The following HELZ variants were observed in gnomAD, a reference collection of about 807,000 sequenced individuals.
HELZ encodes the protein ATP-dependent RNA helicase with zinc finger domain.
A neutral mutation model predicts 218.2 loss-of-function variants in HELZ; 23 were observed. The observed-to-expected ratio is 0.11, with a 90% CI of 0.08 to 0.15. The LOEUF (loss-of-function observed/expected upper bound fraction) is 0.15, where lower values mean the gene tolerates loss of function less well. Among genes scored for constraint, HELZ ranks in the 10% least tolerant of loss-of-function variants. The pLI is 1.00. For missense variants in HELZ, 1,813 were observed against 2,353.7 expected, an observed-to-expected ratio of 0.77 and a Z score of 4.75; for synonymous variants, 814 against 829.4, an observed-to-expected ratio of 0.98 and a Z score of 0.32.
intron 31 of HELZ, among the ~76,000 whole-genome samples, chr17:67,090,559 T>C (rs1372091595): frequency 6.6e-6 from 1 of 152,186 alleles, no homozygotes; most frequent in African/African-American, 2.4e-5. Flanking sequence ...AATTACAAAT[T>C]CAATTTCTTT....
At chr17:67,125,486 G>GA (rs936321785) in intron 24 of HELZ, among the ~76,000 whole-genome samples, 6 of 151,436 alleles carry the variant, frequency 4.0e-5, no homozygotes, top group Non-Finnish European at 7.4e-5. Flanking sequence ...CACACTGACA[G>GA]AAGAAAGGAG....
At position 67,109,631 on chromosome 17, in the gene HELZ, A is replaced by C; in HGVS notation, c.3974T>G (p.Val1325Gly). Reference protein sequence around the residue: ...NRSPESRPSVVYPSTKFPRKD... With the variant: ...NRSPESRPSVGYPSTKFPRKD... Reference sequence around the variant, plus strand: ...GCGAGGAAATTTGGTACTGGGATAAACAACACTAGGACGTGATTCAGGACT... The same window carrying C: ...GCGAGGAAATTTGGTACTGGGATAACCAACACTAGGACGTGATTCAGGACT... The change falls in exon 29 of 33, where the codon GTT (valine) becomes GGT (glycine). Residue 1325 changes from valine to glycine, a missense_variant. Coordinates refer to ENST00000358691, the MANE Select transcript of HELZ (RefSeq NM_014877.4). 6.2e-7 allele frequency: 1 copy of C among 1,614,152 alleles called. No homozygotes were observed.
At chr17:67,125,084 C>T (rs2037739868) in intron 24 of HELZ, among the ~76,000 whole-genome samples, 1 of 151,072 alleles carries the variant, frequency 6.6e-6, no homozygotes, top group Non-Finnish European at 1.5e-5. Context: ...GATTTACCTA[C>T]CTATCTAACT....
intron 3 of HELZ, among the ~76,000 whole-genome samples, chr17:67,221,011 C>CA (rs1212375050): frequency 6.6e-6 from 1 of 152,122 alleles, no homozygotes; most frequent in African/African-American, 2.4e-5. Flanking sequence ...GTTACACAAA[C>CA]ATACATTGAT....
At position 67,222,120 on chromosome 17, in the gene HELZ, C is replaced by A. The variant is rs111375607; in HGVS notation, c.-18-3298G>T. On this transcript the variant is annotated intron_variant, in intron 3 of 32. Transcript: ENST00000358691. ...GCCTCCCAAATGCTGGGATTACAGG[C>A]GTGAGCCACTGTACCCAGCCTACAT... Among the ~76,000 whole-genome samples the A allele has an allele frequency of 2.0e-5, 3 of 152,204 alleles. 1 individual carries two copies. Among genetic ancestry groups the A allele is most frequent in the African/African-American group, 7.2e-5 (3 of 41,534 alleles).
chr17:67,204,798 GA>G (rs2040254938), intron 5 of HELZ, among the ~76,000 whole-genome samples: 1 of 151,916 alleles, frequency 6.6e-6, no homozygotes, highest in South Asian at 2.1e-4. Context: ...GTTATCTAGT[GA>G]AACTCCAATA....
At chr17:67,185,351 CA>C (rs1241538261) in intron 12 of HELZ, among the ~76,000 whole-genome samples, 3 of 152,114 alleles carry the variant, frequency 2.0e-5, no homozygotes, top group Non-Finnish European at 4.4e-5. Flanking sequence ...AAGCAAGAAA[CA>C]AATATTACAC....
At chr17:67,154,320 T>C (rs1027500795) in intron 17 of HELZ, among the ~76,000 whole-genome samples, 1 of 152,084 alleles carries the variant, frequency 6.6e-6, no homozygotes, top group African/African-American at 2.4e-5. Context: ...TCCCAGCTAC[T>C]TGGGAGGCTG....
intron 31 of HELZ, among the ~76,000 whole-genome samples, chr17:67,088,793 T>C (rs995293447): frequency 2.0e-5 from 3 of 152,258 alleles, no homozygotes; most frequent in Admixed American, 2.0e-4. Flanking sequence ...TCATTATGAA[T>C]TTGATTTGGT....
intron 31 of HELZ, among the ~76,000 whole-genome samples, chr17:67,098,561 C>G (rs958278371): frequency 6.6e-6 from 1 of 150,580 alleles, no homozygotes; most frequent in South Asian, 2.1e-4. Context: ...GTGGTGAAAT[C>G]CCGTCTCTAC....
At chr17:67,093,321 C>G (rs976390360) in intron 31 of HELZ, among the ~76,000 whole-genome samples, 9 of 151,134 alleles carry the variant, frequency 6.0e-5, no homozygotes, top group African/African-American at 2.2e-4. Context: ...AGAAAAAGTA[C>G]AAAGGTATCA....
chr17:67,235,598 C>A (rs1007258273), intron 3 of HELZ, among the ~76,000 whole-genome samples: 3 of 151,994 alleles, frequency 2.0e-5, no homozygotes, highest in Non-Finnish European at 4.4e-5. Context: ...CATGCCATCA[C>A]AAGAACTTGA....
intron 17 of HELZ, among the ~76,000 whole-genome samples, chr17:67,152,878 T>A (rs971639243): frequency 6.6e-6 from 1 of 151,422 alleles, no homozygotes; most frequent in South Asian, 2.1e-4. Flanking sequence ...AGGAGAGAAT[T>A]CAGGAGAGCA....
intron 7 of HELZ, among the ~76,000 whole-genome samples, chr17:67,199,483 G>A (rs998986780): frequency 6.6e-6 from 1 of 152,082 alleles, no homozygotes; most frequent in Non-Finnish European, 1.5e-5. Context: ...AAAGTGCTGG[G>A]ATTATAGGCG....
chr17:67,199,508 G>A (rs964028004), intron 7 of HELZ, among the ~76,000 whole-genome samples: 12 of 151,962 alleles, frequency 7.9e-5, no homozygotes, highest in African/African-American at 7.2e-5. Context: ...GCACCGCACC[G>A]GGACTGTTTT....
At chr17:67,147,226 G>A (rs2038525462) in intron 20 of HELZ, among the ~76,000 whole-genome samples, 1 of 151,954 alleles carries the variant, frequency 6.6e-6, no homozygotes, top group South Asian at 2.1e-4. Flanking sequence ...CTAAAGTTTT[G>A]GTTTCCAGAA....
rs2039814669 is a variant in HELZ, at chr17:67,188,433, C to T, written c.1048G>A (p.Gly350Arg). 6.2e-7 allele frequency: 1 copy of T among 1,613,882 alleles called. No homozygotes were observed. The highest frequency in any genetic ancestry group is 8.5e-7 in the Non-Finnish European group (1 of 1,179,842). ...NGLDHYVYKV[G>R]IAFNTEIFGT... ...AATATTTCTGTGTTAAATGCTATCC[C>T]GACTTTATACACGTAATGATCTAAT... The change falls in exon 12 of 33, where the codon GGG becomes AGG. Residue 350 changes from glycine to arginine, a missense_variant. Transcript: ENST00000358691. This position sits in a 1 kb window ranked among gnomAD's most constrained non-coding sequence, Gnocchi z 4.1.
At chr17:67,091,926 G>A (rs1468366877) in intron 31 of HELZ, among the ~76,000 whole-genome samples, 9 of 151,966 alleles carry the variant, frequency 5.9e-5, no homozygotes, top group Non-Finnish European at 7.4e-5. Context: ...AAGCAAATAC[G>A]CTACAGTTTG....
At chr17:67,111,573 G>A (rs1297571819) in intron 28 of HELZ, among the ~76,000 whole-genome samples, 2 of 152,168 alleles carry the variant, frequency 1.3e-5, no homozygotes, top group South Asian at 4.1e-4. Context: ...TGACCAACCT[G>A]TTGCAACAAA....
Sources: allele counts gnomAD v4.1 joint callset (sites outside exome capture counted in the v4.1 genomes callset), GRCh38; gene constraint gnomAD v4.1.1; non-coding constraint Gnocchi (gnomAD v3.1); transcripts MANE v1.5; gene names NCBI Gene and HGNC (gene_info 2026-07-23, HGNC 2026-07-21).